Variants in SGCZ observed in about 807,000 individuals in gnomAD.
The protein encoded by SGCZ is sarcoglycan zeta.
Under a neutral mutation model 41.3 loss-of-function variants are expected in SGCZ, and 40 were observed. The observed-to-expected ratio is 0.97, with a 90% confidence interval of 0.75 to 1.26. The LOEUF is 1.26. Among genes scored for constraint, SGCZ ranks in the 50% most tolerant of loss-of-function variants. The pLI, the probability that SGCZ is intolerant of heterozygous loss-of-function variation, is 0.00. For synonymous variants in SGCZ, 206 were observed against 137.5 expected (o/e 1.50, Z -3.49); for missense variants, 552 against 369.8 (o/e 1.49, Z -4.04).
chr8:15,017,221 C>G (rs4585750), intron 1 of SGCZ, among the ~76,000 whole-genome samples: 150,530 of 152,312 alleles, frequency 0.99, 74,403 homozygotes, highest in Middle Eastern at 1. Flanking sequence ...TCATCAGTAA[C>G]TGGGAGTAAT....
At chr8:14,278,295 A>C (rs968572746) in intron 3 of SGCZ, among the ~76,000 whole-genome samples, 8 of 152,126 alleles carry the variant, frequency 5.3e-5, no homozygotes, top group Non-Finnish European at 1.0e-4. Flanking sequence ...CGTGCACATA[A>C]ATAAATTTGT....
chr8:14,823,722 C>G (rs1052103957), intron 1 of SGCZ, among the ~76,000 whole-genome samples: 3 of 152,094 alleles, frequency 2.0e-5, no homozygotes, highest in Non-Finnish European at 4.4e-5. Flanking sequence ...CAATTCCATT[C>G]CTGTGTCTAT....
rs571165617 is a variant in SGCZ, at chr8:14,198,026, A to G, written c.425-33324T>C. 7.2e-5 allele frequency among the ~76,000 whole-genome samples: 11 copies of G among 152,324 alleles called. 3 individuals carry two copies. Among genetic ancestry groups the G allele is most frequent in the Admixed American group, 7.2e-4 (11 of 15,294 alleles). Reference sequence around the variant, plus strand: ...CTGGAAAGGGATTATTAGGAATTAAACTTAATATTTTTATAGCACAATAAT... The same window carrying G: ...CTGGAAAGGGATTATTAGGAATTAAGCTTAATATTTTTATAGCACAATAAT... On this transcript the variant is annotated intron_variant, in intron 4 of 7. Transcript: ENST00000382080.
chr8:14,633,790 A>T (rs1020963082), intron 1 of SGCZ, among the ~76,000 whole-genome samples: 7 of 151,968 alleles, frequency 4.6e-5, no homozygotes, highest in African/African-American at 1.7e-4. Flanking sequence ...AAAAGACCTG[A>T]TGCTAAAAGT....
At chr8:14,119,049 T>A (rs1779656790) in intron 5 of SGCZ, among the ~76,000 whole-genome samples, 1 of 152,186 alleles carries the variant, frequency 6.6e-6, no homozygotes, top group Admixed American at 6.5e-5. Context: ...ACGTGGGCTC[T>A]TTTTTGGTTC....
Position 14,850,763 on chromosome 8 carries a change from C to T in SGCZ, c.40-295837G>A, listed in dbSNP as rs146324804. Among the ~76,000 whole-genome samples the T allele has an allele frequency of 1.2e-3, 186 of 152,148 alleles. 1 individual carries two copies. The highest frequency in any genetic ancestry group is 4.3e-3 in the African/African-American group (180 of 41,526). On this transcript the variant is annotated intron_variant, in intron 1 of 7. Coordinates refer to ENST00000382080, the MANE Select transcript of SGCZ (RefSeq NM_139167.4). ...TGAATCATGGCGGCAGTTTCCCCAC[C>T]GCTGTTCTCATGATAGTGAGTGAGT...
chr8:15,170,526 C>A (rs1030543767), intron 1 of SGCZ, among the ~76,000 whole-genome samples: 9 of 152,178 alleles, frequency 5.9e-5, no homozygotes, highest in African/African-American at 1.9e-4. Flanking sequence ...AGTGCCCCAA[C>A]TCTAAAGTGC....
At chr8:14,148,708 A>T (rs1803603339) in intron 5 of SGCZ, among the ~76,000 whole-genome samples, 1 of 152,152 alleles carries the variant, frequency 6.6e-6, no homozygotes, top group African/African-American at 2.4e-5. Flanking sequence ...TATTACCTTG[A>T]TATCAAAACC....
At chr8:14,105,681 A>G (rs971093631) in intron 6 of SGCZ, among the ~76,000 whole-genome samples, 1 of 152,106 alleles carries the variant, frequency 6.6e-6, no homozygotes, top group Admixed American at 6.5e-5. Flanking sequence ...ACCAGCTGAT[A>G]AATCCAGCTT....
intron 2 of SGCZ, among the ~76,000 whole-genome samples, chr8:14,439,557 C>A (rs10095181): frequency 0.19 from 28,494 of 151,330 alleles, 3,012 homozygotes; most frequent in African/African-American, 0.3. Context: ...AAAGGGAATT[C>A]GTAATATATA....
intron 1 of SGCZ, among the ~76,000 whole-genome samples, chr8:15,227,500 G>T (rs1801817797): frequency 6.6e-6 from 1 of 152,100 alleles, no homozygotes; most frequent in South Asian, 2.1e-4. Flanking sequence ...TACTTAAAGA[G>T]GAAACAACAT....
intron 1 of SGCZ, among the ~76,000 whole-genome samples, chr8:14,710,330 A>C (rs986845262): frequency 6.8e-6 from 1 of 146,288 alleles, no homozygotes; most frequent in East Asian, 2.0e-4. Context: ...AGATCGCGCC[A>C]CTGCACTCCA....
At chr8:14,239,200 A>G (rs1044425719) in intron 3 of SGCZ, among the ~76,000 whole-genome samples, 11 of 152,010 alleles carry the variant, frequency 7.2e-5, no homozygotes, top group Admixed American at 7.2e-4. Flanking sequence ...ACCCAATAAG[A>G]ATACTACTGT....
At chr8:14,398,073 G>A (rs1302473563) in intron 2 of SGCZ, among the ~76,000 whole-genome samples, 1 of 151,912 alleles carries the variant, frequency 6.6e-6, no homozygotes, top group Non-Finnish European at 1.5e-5. Context: ...ATCAACTCAA[G>A]GGACCCTTTT....
chr8:14,633,203 A>G lies in SGCZ; in HGVS notation c.40-78277T>C, dbSNP rs76246604. On this transcript the variant is annotated intron_variant, in intron 1 of 7. Transcript: ENST00000382080. ...TTGCTACCTGCATAATTCATCTGGC[A>G]TTATTCTATATGTCTTGCTGTCCTT... Among the ~76,000 whole-genome samples the G allele has an allele frequency of 8.8e-3, 1,335 of 152,088 alleles. 17 individuals carry two copies. Among genetic ancestry groups the G allele is most frequent in the African/African-American group, 0.03 (1,264 of 41,552 alleles).
chr8:14,742,296 T>C (rs900337164), intron 1 of SGCZ, among the ~76,000 whole-genome samples: 1 of 152,060 alleles, frequency 6.6e-6, no homozygotes, highest in Non-Finnish European at 1.5e-5. Context: ...TAAGCACTTA[T>C]GCACGTGCAC....
rs146079655 is a variant in SGCZ, at chr8:15,215,847, T to A, written c.39+21738A>T. On this transcript the variant is annotated intron_variant, in intron 1 of 7. Coordinates refer to ENST00000382080, the MANE Select transcript of SGCZ (RefSeq NM_139167.4). ...TTTAAAGTAAAATTCTTTGGCAGCC[T>A]GTATGCAAACAAAGATATAATGTGA... Among the ~76,000 whole-genome samples the A allele has an allele frequency of 3.9e-3, 588 of 152,322 alleles. 3 individuals carry two copies. Among genetic ancestry groups the A allele is most frequent in the Admixed American group, 7.4e-3 (114 of 15,312 alleles).
intron 1 of SGCZ, among the ~76,000 whole-genome samples, chr8:15,224,986 G>T (rs1417386415): frequency 6.6e-6 from 1 of 152,030 alleles, no homozygotes; most frequent in Non-Finnish European, 1.5e-5. Flanking sequence ...AGAAATAAAT[G>T]CAGTATCTAA....
At chr8:14,668,815 CAT>C (rs1807997967) in intron 1 of SGCZ, among the ~76,000 whole-genome samples, 1 of 151,968 alleles carries the variant, frequency 6.6e-6, no homozygotes, top group African/African-American at 2.4e-5. Flanking sequence ...ATTTGACAAA[CAT>C]ATATTTAAGG....
Sources: gnomAD v4.1 joint callset for allele counts (sites outside exome capture counted in the v4.1 genomes callset) on GRCh38, gnomAD v4.1.1 for gene constraint, MANE v1.5 for transcripts, NCBI Gene and HGNC (gene_info 2026-07-23, HGNC 2026-07-21) for gene names.